Variants in RBMS2 observed in about 807,000 individuals in gnomAD.
RBMS2 encodes RNA-binding motif, single-stranded-interacting protein 2.
Under a neutral mutation model 58.4 loss-of-function variants are expected in RBMS2, and 38 were observed. That is an observed-to-expected ratio of 0.65 (90% CI 0.50 to 0.85). RBMS2 has a LOEUF of 0.85. RBMS2 is among the 40% of genes least tolerant of loss of function. The pLI, the probability that RBMS2 is intolerant of heterozygous loss-of-function variation, is 0.00. For synonymous variants in RBMS2, 151 were observed against 180.7 expected (o/e 0.84, Z 1.32); for missense variants, 367 against 503.7 (o/e 0.73, Z 2.60).
intron 5 of RBMS2, among the ~76,000 whole-genome samples, chr12:56,578,021 C>T (rs550385759): frequency 4.5e-4 from 68 of 152,166 alleles, no homozygotes; most frequent in African/African-American, 1.6e-3. Context: ...GTTGGAGTCT[C>T]ACTGTTTTGC....
chr12:56,533,299 G>T (rs1007660687), intron 1 of RBMS2, among the ~76,000 whole-genome samples: 1 of 151,020 alleles, frequency 6.6e-6, no homozygotes, highest in African/African-American at 2.4e-5. Flanking sequence ...ACAGGGACTC[G>T]CTATGTTGCC....
rs536969812 is a variant in RBMS2 at position 56,589,233 on chromosome 12, C to T, written c.*100C>T. Reference sequence around the variant, plus strand: ...GGGTTAACCAGGAATGGAGACCATCCGTCGGCCCTGCTAAGGACTAACACT... The same window carrying T: ...GGGTTAACCAGGAATGGAGACCATCTGTCGGCCCTGCTAAGGACTAACACT... On this transcript the variant is annotated 3_prime_UTR_variant, in exon 14 of 14. Transcript: ENST00000262031. 57 of 1,487,976 alleles carry T rather than the reference C, an allele frequency of 3.8e-5. No individual in the cohort carries two copies. The highest frequency in any genetic ancestry group is 4.5e-5 in the Non-Finnish European group (50 of 1,114,216). 92.2% of individuals were successfully genotyped at this position (1,487,976 alleles called of 1,614,324 possible).
rs934605847 is a variant in RBMS2, at chr12:56,571,992, C to A, written c.542+137C>A. The A allele has an allele frequency of 4.8e-5, 50 of 1,037,088 alleles. No individual in the cohort carries two copies. The African/African-American group carries it at 7.2e-4, about 15-fold the overall frequency. 64.2% of individuals were successfully genotyped at this position (1,037,088 alleles called of 1,614,324 possible). On this transcript the variant is annotated intron_variant, in intron 5 of 13. Coordinates refer to ENST00000262031, the MANE Select transcript of RBMS2 (RefSeq NM_002898.4). ...TATTCAAAAATACTTGATGGTAAGTCAAAAGTTCATTTTAGGCCAGGTGCG... is the reference window on the plus strand; with the variant it reads ...TATTCAAAAATACTTGATGGTAAGTAAAAAGTTCATTTTAGGCCAGGTGCG...
chr12:56,574,152 CT>C (rs952475896), intron 5 of RBMS2, among the ~76,000 whole-genome samples: 4 of 152,086 alleles, frequency 2.6e-5, no homozygotes, highest in African/African-American at 9.7e-5. Context: ...GTCCACACAA[CT>C]TTTTAAAAAA....
intron 1 of RBMS2, among the ~76,000 whole-genome samples, chr12:56,543,444 C>A (rs564882521): frequency 1.3e-4 from 20 of 150,938 alleles, no homozygotes; most frequent in Non-Finnish European, 2.8e-4. Context: ...GGGATCATGC[C>A]ATTACTCTTC....
chr12:56,540,222 C>T (rs906620933), intron 1 of RBMS2, among the ~76,000 whole-genome samples: 1 of 152,114 alleles, frequency 6.6e-6, no homozygotes, highest in African/African-American at 2.4e-5. Context: ...GTCCTTGGTA[C>T]CTAACGTAGT....
intron 2 of RBMS2, among the ~76,000 whole-genome samples, chr12:56,563,737 A>AAACC (rs1446876033): frequency 1.3e-5 from 2 of 152,180 alleles, no homozygotes; most frequent in Non-Finnish European, 2.9e-5. Flanking sequence ...CAGGAGTTCA[A>AAACC]AACCAGGCTG....
At chr12:56,579,797 C>T (rs1883659181) in intron 5 of RBMS2, among the ~76,000 whole-genome samples, 1 of 151,966 alleles carries the variant, frequency 6.6e-6, no homozygotes, top group Admixed American at 6.6e-5. Context: ...TATATAGTCC[C>T]TTATAATTTG....
At chr12:56,533,988 G>A (rs1874283545) in intron 1 of RBMS2, among the ~76,000 whole-genome samples, 1 of 152,016 alleles carries the variant, frequency 6.6e-6, no homozygotes. Context: ...GGAAAAGTGA[G>A]TTACAGAGAG....
chr12:56,588,539 A>G lies in RBMS2; in HGVS notation c.1143+165A>G, dbSNP rs958122704. 6 of 660,070 alleles carry G rather than the reference A, an allele frequency of 9.1e-6. No individual in the cohort carries two copies. In the Admixed American group the frequency reaches 1.3e-4, roughly 15 times the overall value. The allele number at this position is 660,070 out of a possible 1,614,324, so 40.9% of individuals were successfully genotyped here. A position where few individuals can be genotyped will look rare whatever the true frequency, so the allele number is the denominator to read the frequency against. ...GGATGTGCTCGCTTCGGCAGCATGCATACTAAAATTGGAACAATACAGAGA... is the reference window on the plus strand; with the variant it reads ...GGATGTGCTCGCTTCGGCAGCATGCGTACTAAAATTGGAACAATACAGAGA... On this transcript the variant is annotated intron_variant, in intron 12 of 13. Transcript: ENST00000262031.
At chr12:56,564,570 C>T (rs1880991898) in intron 2 of RBMS2, among the ~76,000 whole-genome samples, 1 of 151,464 alleles carries the variant, frequency 6.6e-6, no homozygotes, top group African/African-American at 2.4e-5. Context: ...CATCATGTTG[C>T]CCAGGCTGGT....
At chr12:56,525,473 C>T (rs150416554) in intron 1 of RBMS2, among the ~76,000 whole-genome samples, 302 of 152,170 alleles carry the variant, frequency 2.0e-3, no homozygotes, top group African/African-American at 7.0e-3. Flanking sequence ...CTGCCTGCCT[C>T]GGGTTCCCAA....
intron 2 of RBMS2, among the ~76,000 whole-genome samples, chr12:56,564,401 T>C (rs2136432599): frequency 6.6e-6 from 1 of 152,212 alleles, no homozygotes; most frequent in South Asian, 2.1e-4. Flanking sequence ...CAGGATCTTG[T>C]TCTGTCACCA....
intron 1 of RBMS2, among the ~76,000 whole-genome samples, chr12:56,535,848 T>A (rs1339288572): frequency 6.6e-6 from 1 of 152,126 alleles, no homozygotes; most frequent in Non-Finnish European, 1.5e-5. Context: ...ACTACTAGTA[T>A]CTACTTTATT....
At chr12:56,531,566 T>C (rs1873723846) in intron 1 of RBMS2, among the ~76,000 whole-genome samples, 1 of 152,090 alleles carries the variant, frequency 6.6e-6, no homozygotes, top group African/African-American at 2.4e-5. Flanking sequence ...CGGTGGCTCA[T>C]GCCTGTAATC....
At chr12:56,526,320 TAAATA>T (rs566701714) in intron 1 of RBMS2, among the ~76,000 whole-genome samples, 29 of 151,414 alleles carry the variant, frequency 1.9e-4, no homozygotes, top group Admixed American at 6.6e-4. Context: ...AATAAATAAA[TAAATA>T]AAATAAAATA....
chr12:56,573,474 C>G (rs11171897), intron 5 of RBMS2, among the ~76,000 whole-genome samples: 3 of 41,078 alleles, frequency 7.3e-5, no homozygotes, highest in Non-Finnish European at 1.4e-4. Flanking sequence ...GAGACGCCAT[C>G]TCAAAAAAAA....
At position 56,596,119 on chromosome 12, in the gene RBMS2, C is replaced by T. The variant is rs1352338248; in HGVS notation, c.*6986C>T. The T allele has an allele frequency of 6.6e-6, 1 of 152,638 alleles. No homozygotes were observed. The highest frequency in any genetic ancestry group is 2.4e-5 in the African/African-American group (1 of 41,460). The allele number at this position is 152,638 out of a possible 1,614,324, so 9.5% of individuals were successfully genotyped here. On this transcript the variant is annotated 3_prime_UTR_variant, in exon 14 of 14. Transcript: ENST00000262031. ...AAATTTAAATTCACAAAAAACTGTA[C>T]ATTATCAAAAAGTCACTAAAACACC...
Position 56,591,976 on chromosome 12 carries a change from G to C in RBMS2, c.*2843G>C, listed in dbSNP as rs1885335446. On this transcript the variant is annotated 3_prime_UTR_variant, in exon 14 of 14. Coordinates refer to ENST00000262031, the MANE Select transcript of RBMS2 (RefSeq NM_002898.4). ...GAGGAATTTCTTTTTTGGTGCATTT[G>C]GTTTACACTCATTTCCTCTCCTAAT... 6.6e-6 allele frequency: 1 copy of C among 152,028 alleles called. No individual in the cohort carries two copies. Among genetic ancestry groups the C allele is most frequent in the African/African-American group, 2.4e-5 (1 of 41,394 alleles). 9.4% of individuals were successfully genotyped at this position (152,028 alleles called of 1,614,324 possible). A position where few individuals can be genotyped will look rare whatever the true frequency, so the allele number is the denominator to read the frequency against.
Sources: allele counts gnomAD v4.1 joint callset (sites outside exome capture counted in the v4.1 genomes callset), GRCh38; gene constraint gnomAD v4.1.1; transcripts MANE v1.5; gene names NCBI Gene and HGNC (gene_info 2026-07-23, HGNC 2026-07-21).